Variants in WWTR1 observed in about 807,000 individuals in gnomAD.
WWTR1 encodes WW domain containing transcription regulator 1, also known as WW domain-containing transcription regulator protein 1.
In WWTR1, 13 loss-of-function variants were observed where a neutral mutation model predicts 40.1. That is an observed-to-expected ratio of 0.32 (90% CI 0.21 to 0.52). The LOEUF (loss-of-function observed/expected upper bound fraction) is 0.52. Ranked by LOEUF, WWTR1 falls within the 20% of genes least tolerant of loss-of-function variation. WWTR1 has a pLI of 0.97. For synonymous variants in WWTR1, 230 were observed against 210.1 expected, an observed-to-expected ratio of 1.09 and a Z score of -0.82; for missense variants, 436 against 523.1, an observed-to-expected ratio of 0.83 and a Z score of 1.63.
chr3:149,518,265 T>A lies in WWTR1; in HGVS notation c.*2540A>T, dbSNP rs899556464. 2.6e-5 allele frequency: 4 copies of A among 152,080 alleles called. No individual in the cohort carries two copies. Among genetic ancestry groups the A allele is most frequent in the African/African-American group, 9.7e-5 (4 of 41,442 alleles). 9.4% of individuals were successfully genotyped at this position (152,080 alleles called of 1,614,324 possible). A position where few individuals can be genotyped will look rare whatever the true frequency, so the allele number is the denominator to read the frequency against. On this transcript the variant is annotated 3_prime_UTR_variant, in exon 7 of 7. Coordinates refer to ENST00000360632, the MANE Select transcript of WWTR1 (RefSeq NM_015472.6). ...AAAAAAATCTTCTAGTATTTTCTGATGCCACAAGCTTACTAGAAAATTACT... is the reference window on the plus strand; with the variant it reads ...AAAAAAATCTTCTAGTATTTTCTGAAGCCACAAGCTTACTAGAAAATTACT...
intron 1 of WWTR1, among the ~76,000 whole-genome samples, chr3:149,686,569 C>A (rs1439283605): frequency 6.6e-6 from 1 of 152,156 alleles, no homozygotes; most frequent in Admixed American, 6.5e-5. Flanking sequence ...GTGAAGAAAT[C>A]TTTCCCAAAG....
intron 3 of WWTR1, among the ~76,000 whole-genome samples, chr3:149,571,083 A>T (rs1737599772): frequency 6.6e-6 from 1 of 152,212 alleles, no homozygotes. Flanking sequence ...AACAGTGGTT[A>T]TGATATGCTA....
At chr3:149,684,558 A>C (rs1714568364) in intron 1 of WWTR1, among the ~76,000 whole-genome samples, 1 of 144,478 alleles carries the variant, frequency 6.9e-6, no homozygotes, top group Non-Finnish European at 1.5e-5. Context: ...ATATCTCATT[A>C]TTCTTTTTTT....
chr3:149,577,940 G>T (rs528002114), intron 2 of WWTR1, among the ~76,000 whole-genome samples: 1 of 152,012 alleles, frequency 6.6e-6, no homozygotes, highest in African/African-American at 2.4e-5. Context: ...CTTTCACCTT[G>T]ATGAGGGCAA....
chr3:149,622,936 G>T (rs1740381751), intron 2 of WWTR1, among the ~76,000 whole-genome samples: 2 of 152,072 alleles, frequency 1.3e-5, no homozygotes, highest in Non-Finnish European at 2.9e-5. Flanking sequence ...ACTAAAGTGG[G>T]TCTGAGTTTA....
intron 2 of WWTR1, among the ~76,000 whole-genome samples, chr3:149,642,508 G>C (rs1430521344): frequency 6.6e-6 from 1 of 152,004 alleles, no homozygotes; most frequent in African/African-American, 2.4e-5. Flanking sequence ...GGGCACGGTG[G>C]CTCACGCCTG....
intron 4 of WWTR1, among the ~76,000 whole-genome samples, chr3:149,537,816 A>G (rs1368616785): frequency 1.3e-5 from 2 of 152,178 alleles, no homozygotes; most frequent in Non-Finnish European, 2.9e-5. Context: ...CGTCACATAA[A>G]TGGAATCATA....
chr3:149,549,354 A>G (rs959066208), intron 3 of WWTR1, among the ~76,000 whole-genome samples: 12 of 152,354 alleles, frequency 7.9e-5, no homozygotes, highest in Middle Eastern at 6.8e-3. Flanking sequence ...ATAACACTTT[A>G]TATCTGTAGT....
intron 2 of WWTR1, among the ~76,000 whole-genome samples, chr3:149,644,907 C>A (rs2108134633): frequency 6.6e-6 from 1 of 152,232 alleles, no homozygotes; most frequent in African/African-American, 2.4e-5. Flanking sequence ...GCCTGGAATG[C>A]AGTGGCCTGA....
intron 2 of WWTR1, among the ~76,000 whole-genome samples, chr3:149,595,785 CA>C (rs1340754083): frequency 6.6e-6 from 1 of 152,180 alleles, no homozygotes; most frequent in Non-Finnish European, 1.5e-5. Flanking sequence ...GTAATCCCTG[CA>C]CTTTGGGAGG....
At chr3:149,702,688 T>C (rs1462561704) in intron 1 of WWTR1, 1 of 151,922 alleles carries the variant, frequency 6.6e-6, no homozygotes, top group Non-Finnish European at 1.5e-5. Flanking sequence ...AGACACATCC[T>C]GATTGGCAAA....
At chr3:149,714,839 T>C (rs1715564278) in intron 5 of WWTR1, among the ~76,000 whole-genome samples, 1 of 152,124 alleles carries the variant, frequency 6.6e-6, no homozygotes, top group Admixed American at 6.5e-5. Context: ...CAGCACACAC[T>C]TCCTACCCTC....
At chr3:149,631,477 G>A (rs1042951999) in intron 2 of WWTR1, among the ~76,000 whole-genome samples, 1 of 152,078 alleles carries the variant, frequency 6.6e-6, no homozygotes, top group Non-Finnish European at 1.5e-5. Context: ...ACTAAAAAAG[G>A]CATTTTCAGT....
At chr3:149,651,234 C>T (rs918723725) in intron 2 of WWTR1, among the ~76,000 whole-genome samples, 5 of 152,076 alleles carry the variant, frequency 3.3e-5, no homozygotes, top group Admixed American at 1.3e-4. Context: ...TAAGTAAATA[C>T]GTTCAGATAA....
chr3:149,707,760 T>A (rs1034585561), upstream of WWTR1, among the ~76,000 whole-genome samples: 1 of 151,944 alleles, frequency 6.6e-6, no homozygotes, highest in African/African-American at 2.4e-5. Flanking sequence ...TGACTGCCAA[T>A]TGAATATGTT....
chr3:149,626,947 C>CAAAGAAA (rs1560091949), intron 2 of WWTR1, among the ~76,000 whole-genome samples: 2 of 152,132 alleles, frequency 1.3e-5, no homozygotes, highest in Non-Finnish European at 2.9e-5. Flanking sequence ...CACCGTGCCA[C>CAAAGAAA]TCCCCAGCAC....
At chr3:149,624,483 G>A (rs1740455430) in intron 2 of WWTR1, among the ~76,000 whole-genome samples, 1 of 152,194 alleles carries the variant, frequency 6.6e-6, no homozygotes, top group Non-Finnish European at 1.5e-5. Flanking sequence ...ACAAGCCAGA[G>A]ACAGGAATCT....
chr3:149,601,707 A>G (rs926445088), intron 2 of WWTR1, among the ~76,000 whole-genome samples: 2 of 62,496 alleles, frequency 3.2e-5, no homozygotes, highest in Admixed American at 3.6e-4. Context: ...TATGAAAAAA[A>G]TTATTTTTTT....
chr3:149,669,883 G>A (rs1169846804), exon 2 of WWTR1: 1 of 152,268 alleles, frequency 6.6e-6, no homozygotes, highest in African/African-American at 2.4e-5. Flanking sequence ...GATGTATTGG[G>A]GAAAATGCCT....
Sources: gnomAD v4.1 joint callset for allele counts (sites outside exome capture counted in the v4.1 genomes callset) on GRCh38, gnomAD v4.1.1 for gene constraint, MANE v1.5 for transcripts, NCBI Gene and HGNC (gene_info 2026-07-23, HGNC 2026-07-21) for gene names.